The following PHACTR1 variants were observed in gnomAD, a reference collection of about 807,000 sequenced individuals.
The protein encoded by PHACTR1 is phosphatase and actin regulator 1, also known as RPEL repeat containing 1.
A neutral mutation model predicts 69.2 loss-of-function variants in PHACTR1; 16 were observed. That is an observed-to-expected ratio of 0.23 (90% CI 0.16 to 0.35). The LOEUF (loss-of-function observed/expected upper bound fraction) is 0.35, where lower values mean the gene tolerates loss of function less well. PHACTR1 is among the 10% of genes least tolerant of loss of function. The probability of loss-of-function intolerance (pLI) is 1.00; values close to 1 mark genes in which losing one functional copy is unlikely to be tolerated. For missense variants in PHACTR1, 510 were observed against 734.7 expected (o/e 0.69, Z 3.54); for synonymous variants, 312 against 284.5 (o/e 1.10, Z -0.97).
intron 4 of PHACTR1, among the ~76,000 whole-genome samples, chr6:12,912,539 A>C (rs1277986918): frequency 4.6e-5 from 7 of 152,200 alleles, no homozygotes; most frequent in Non-Finnish European, 1.0e-4. Flanking sequence ...AGGGATGTAG[A>C]TGTTACTCAC....
intron 4 of PHACTR1, among the ~76,000 whole-genome samples, chr6:12,865,557 T>TGG (rs976508636): frequency 6.6e-6 from 1 of 152,156 alleles, no homozygotes; most frequent in Non-Finnish European, 1.5e-5. Flanking sequence ...CTCTCTTTAA[T>TGG]GGGCACCTTT....
chr6:12,763,238 A>G (rs1768231647), intron 4 of PHACTR1, among the ~76,000 whole-genome samples: 1 of 151,988 alleles, frequency 6.6e-6, no homozygotes, highest in Non-Finnish European at 1.5e-5. Context: ...AACAACAACA[A>G]CAACAACAAC....
chr6:13,212,874 C>T (rs1031235166), intron 8 of PHACTR1, among the ~76,000 whole-genome samples: 15 of 152,202 alleles, frequency 9.9e-5, no homozygotes, highest in Non-Finnish European at 1.5e-4. Context: ...AGGCCCTTCC[C>T]GTTCAATATT....
At chr6:12,805,273 C>T (rs2127684553) in intron 4 of PHACTR1, among the ~76,000 whole-genome samples, 1 of 152,286 alleles carries the variant, frequency 6.6e-6, no homozygotes, top group East Asian at 1.9e-4. Context: ...AACTCTTTAA[C>T]TTCTCCTTAA....
At chr6:13,174,165 T>C (rs1224306248) in intron 6 of PHACTR1, among the ~76,000 whole-genome samples, 1 of 152,166 alleles carries the variant, frequency 6.6e-6, no homozygotes, top group Non-Finnish European at 1.5e-5. Flanking sequence ...CCTTAGACTC[T>C]CCATTTGAGA....
At chr6:12,905,344 A>T (rs1785612317) in intron 4 of PHACTR1, among the ~76,000 whole-genome samples, 1 of 152,248 alleles carries the variant, frequency 6.6e-6, no homozygotes, top group African/African-American at 2.4e-5. Context: ...AAACTAGTTT[A>T]AAGTGATGGG....
chr6:13,091,352 C>G (rs534840271), intron 5 of PHACTR1, among the ~76,000 whole-genome samples: 4 of 152,244 alleles, frequency 2.6e-5, no homozygotes, highest in African/African-American at 9.6e-5. Flanking sequence ...CCCAAGATGA[C>G]TATATTGGAC....
intron 4 of PHACTR1, among the ~76,000 whole-genome samples, chr6:13,013,556 T>C (rs550917621): frequency 1.4e-4 from 22 of 152,296 alleles, no homozygotes; most frequent in Admixed American, 7.8e-4. Context: ...AGGCTCTCAG[T>C]AGCTGGTGCT....
At chr6:12,908,342 A>T (rs977690442) in intron 4 of PHACTR1, among the ~76,000 whole-genome samples, 1 of 152,244 alleles carries the variant, frequency 6.6e-6, no homozygotes, top group Admixed American at 6.5e-5. Flanking sequence ...AGAATTGGAC[A>T]ATAATATGGA....
chr6:13,270,100 CACT>C (rs1322736722), intron 10 of PHACTR1, among the ~76,000 whole-genome samples: 1 of 152,228 alleles, frequency 6.6e-6, no homozygotes, highest in Non-Finnish European at 1.5e-5. Flanking sequence ...TATTATGACC[CACT>C]AGCTGTAAAC....
At chr6:13,233,662 A>T (rs1388465277) in intron 10 of PHACTR1, among the ~76,000 whole-genome samples, 2 of 152,110 alleles carry the variant, frequency 1.3e-5, no homozygotes, top group Admixed American at 6.6e-5. Context: ...AACTGCCCCC[A>T]TGATTCAGTT....
At chr6:13,120,521 T>G (rs372029178) in intron 5 of PHACTR1, among the ~76,000 whole-genome samples, 1 of 152,120 alleles carries the variant, frequency 6.6e-6, no homozygotes. Context: ...GGAGAAAGTG[T>G]AGGAGTGGTT....
At chr6:12,785,662 G>A (rs571019723) in intron 4 of PHACTR1, among the ~76,000 whole-genome samples, 5 of 152,286 alleles carry the variant, frequency 3.3e-5, no homozygotes, top group East Asian at 1.9e-4. Context: ...ACTGGACATC[G>A]TAGAAAATAG....
At chr6:13,085,312 T>C (rs1222357666) in intron 5 of PHACTR1, among the ~76,000 whole-genome samples, 1 of 152,032 alleles carries the variant, frequency 6.6e-6, no homozygotes, top group East Asian at 1.9e-4. Context: ...ATTAAAATGT[T>C]ATTCAAAATT....
chr6:13,001,903 G>T (rs1798137920), intron 4 of PHACTR1, among the ~76,000 whole-genome samples: 1 of 152,144 alleles, frequency 6.6e-6, no homozygotes, highest in South Asian at 2.1e-4. Flanking sequence ...GATTACTGCG[G>T]GTAGCAATAT....
At chr6:12,749,390 G>C (rs1766243637) in intron 3 of PHACTR1, 1 of 558,446 alleles carries the variant, frequency 1.8e-6, no homozygotes, top group Non-Finnish European at 3.5e-6. Context: ...GCCAGGGATA[G>C]CCTGATCTCT....
chr6:12,819,131 G>C (rs748787054), intron 4 of PHACTR1, among the ~76,000 whole-genome samples: 1 of 152,198 alleles, frequency 6.6e-6, no homozygotes, highest in Non-Finnish European at 1.5e-5. Flanking sequence ...CAACTGATTA[G>C]TGTGTCTCAT....
intron 6 of PHACTR1, among the ~76,000 whole-genome samples, chr6:13,175,266 A>T (rs371490561): frequency 6.6e-6 from 1 of 152,274 alleles, no homozygotes; most frequent in East Asian, 1.9e-4. Context: ...GTGTTAGCTC[A>T]TCTGATATTT....
chr6:13,252,310 G>A (rs1460676187), intron 10 of PHACTR1, among the ~76,000 whole-genome samples: 5 of 143,290 alleles, frequency 3.5e-5, no homozygotes, highest in Admixed American at 7.0e-5. Flanking sequence ...CCTGAGCAAC[G>A]GAGCAAGATC....
Sources: gnomAD v4.1 joint callset for allele counts (sites outside exome capture counted in the v4.1 genomes callset) on GRCh38, gnomAD v4.1.1 for gene constraint, MANE v1.5 for transcripts, NCBI Gene and HGNC (gene_info 2026-07-23, HGNC 2026-07-21) for gene names.